The following SLC26A7 variants were observed in gnomAD, a reference collection of about 807,000 sequenced individuals.
SLC26A7 encodes solute carrier family 26 member 7, also known as anion exchange transporter.
In SLC26A7, 59 loss-of-function variants were observed where a neutral mutation model predicts 82.5. The observed-to-expected ratio is 0.72, with a 90% CI of 0.58 to 0.89. SLC26A7 has a LOEUF of 0.89. SLC26A7 is among the 40% of genes least tolerant of loss of function. The pLI is 0.00. For missense variants in SLC26A7, 820 were observed against 793.0 expected (o/e 1.03, Z -0.41); for synonymous variants, 271 against 274.3 (o/e 0.99, Z 0.12).
chr8:91,251,245 A>G (rs1810648569), intron 2 of SLC26A7, among the ~76,000 whole-genome samples: 1 of 152,138 alleles, frequency 6.6e-6, no homozygotes, highest in Non-Finnish European at 1.5e-5. Flanking sequence ...TATAAGTTTC[A>G]GTAGTTAATT....
intron 14 of SLC26A7, among the ~76,000 whole-genome samples, chr8:91,367,133 G>A (rs111332503): frequency 4.0e-5 from 6 of 151,828 alleles, no homozygotes; most frequent in African/African-American, 1.5e-4. Flanking sequence ...TCAGCCTCCT[G>A]AGTAGCTGGG....
At chr8:91,251,144 T>C (rs920189713) in intron 2 of SLC26A7, among the ~76,000 whole-genome samples, 9 of 152,262 alleles carry the variant, frequency 5.9e-5, no homozygotes, top group African/African-American at 2.2e-4. Flanking sequence ...AAATAATTTC[T>C]TTTTTTACCT....
chr8:91,353,102 C>A, intron 11 of SLC26A7, 106 bp downstream of exon 11: 1 of 675,856 alleles, frequency 1.5e-6, no homozygotes, highest in Non-Finnish European at 2.4e-6. Flanking sequence ...TCATTTGAGA[C>A]TTGTACACTT....
At chr8:91,335,103 T>A (rs1178753964) in intron 6 of SLC26A7, among the ~76,000 whole-genome samples, 3 of 152,096 alleles carry the variant, frequency 2.0e-5, no homozygotes, top group Non-Finnish European at 4.4e-5. Context: ...AATCTTAACA[T>A]ATAACCACAG....
chr8:91,348,074 C>G (rs1434035874), intron 9 of SLC26A7, among the ~76,000 whole-genome samples: 2 of 152,132 alleles, frequency 1.3e-5, no homozygotes, highest in Non-Finnish European at 2.9e-5. Flanking sequence ...ACAGGCAGCT[C>G]AGCCACAACT....
At chr8:91,347,663 G>A (rs1813601893) in intron 9 of SLC26A7, among the ~76,000 whole-genome samples, 1 of 152,118 alleles carries the variant, frequency 6.6e-6, no homozygotes, top group Admixed American at 6.6e-5. Flanking sequence ...AAGACTTTCA[G>A]TGCTTTAGAA....
intron 2 of SLC26A7, among the ~76,000 whole-genome samples, chr8:91,240,223 A>G (rs1250247318): frequency 6.6e-6 from 1 of 152,194 alleles, no homozygotes; most frequent in Admixed American, 6.5e-5. Context: ...TTTGACATGA[A>G]TAAAAAGTAA....
intron 4 of SLC26A7, among the ~76,000 whole-genome samples, chr8:91,315,543 T>C (rs1167473917): frequency 6.6e-6 from 1 of 151,718 alleles, no homozygotes; most frequent in Non-Finnish European, 1.5e-5. Context: ...CTTTGACAAA[T>C]ACAGTCGCTA....
intron 1 of SLC26A7, among the ~76,000 whole-genome samples, chr8:91,214,598 T>TC (rs1221289924): frequency 6.6e-6 from 1 of 152,182 alleles, no homozygotes; most frequent in Non-Finnish European, 1.5e-5. Flanking sequence ...GTAAGTCATC[T>TC]ACCTTACTAT....
chr8:91,381,041 A>G (rs561836911), intron 15 of SLC26A7, among the ~76,000 whole-genome samples: 8 of 152,334 alleles, frequency 5.3e-5, no homozygotes, highest in African/African-American at 1.9e-4. Flanking sequence ...GACAAATGAA[A>G]ACATATAGTA....
rs1424663374 is a variant in SLC26A7, at chr8:91,385,987, A to C, written c.1676-3351A>C. The stretch of plus-strand genomic sequence containing the variant: ...TGTAATTTTTTTTAAGTTCAGAATG[A>C]CAAATAAGTTTTTGATCAGCTAGTA... On this transcript the variant is annotated intron_variant, in intron 15 of 18. Transcript: ENST00000276609. Among the ~76,000 whole-genome samples, 16 of 152,260 alleles carry C rather than the reference A, an allele frequency of 1.1e-4. 1 individual carries two copies. The East Asian group carries it at 2.9e-3, about 28-fold the overall frequency.
intron 5 of SLC26A7, 35 bp downstream of exon 5, chr8:91,318,415 G>A: frequency 6.6e-7 from 1 of 1,524,116 alleles, no homozygotes; most frequent in Non-Finnish European, 8.9e-7. Context: ...CATATCTTTT[G>A]AATGTGCAGG....
chr8:91,362,039 A>C, intron 11 of SLC26A7, among the ~76,000 whole-genome samples: 1 of 152,142 alleles, frequency 6.6e-6, no homozygotes, highest in East Asian at 1.9e-4. Context: ...AAATCATGGC[A>C]TGCTTTTGAA....
intron 1 of SLC26A7, among the ~76,000 whole-genome samples, chr8:91,216,543 G>C (rs184089638): frequency 2.0e-3 from 300 of 152,190 alleles, no homozygotes; most frequent in Non-Finnish European, 3.7e-3. Context: ...AATGTATGTA[G>C]CATGTTTTAT....
intron 2 of SLC26A7, among the ~76,000 whole-genome samples, chr8:91,225,722 G>A (rs561881044): frequency 3.7e-3 from 454 of 122,314 alleles, no homozygotes; most frequent in Middle Eastern, 6.0e-3. Context: ...TGCTGTCTTG[G>A]TTGTGGGGAG....
At chr8:91,240,947 C>G (rs941032978) in intron 2 of SLC26A7, among the ~76,000 whole-genome samples, 3 of 151,802 alleles carry the variant, frequency 2.0e-5, no homozygotes, top group Non-Finnish European at 2.9e-5. Flanking sequence ...AAATGGTGAC[C>G]CAGAAGAGCC....
chr8:91,297,861 G>A (rs1299522240), intron 4 of SLC26A7, among the ~76,000 whole-genome samples: 1 of 152,072 alleles, frequency 6.6e-6, no homozygotes, highest in Admixed American at 6.6e-5. Context: ...GCTCTTGCTT[G>A]CATATTATTT....
intron 2 of SLC26A7, among the ~76,000 whole-genome samples, chr8:91,220,439 G>C (rs1810141562): frequency 6.6e-6 from 1 of 150,916 alleles, no homozygotes; most frequent in African/African-American, 2.4e-5. Context: ...TTGTTACATA[G>C]GTATACGGGT....
chr8:91,366,606 C>A lies in SLC26A7; in HGVS notation c.1515C>A (p.Ile505=). The change falls in exon 14 of 19, where the codon ATC becomes ATA. Residue 505 remains isoleucine, a synonymous_variant. Coordinates refer to ENST00000276609, the MANE Select transcript of SLC26A7 (RefSeq NM_052832.4). ...AAACCCTGCAGCAGGTGAAAATTAT[C>A]TCAATAAACAACCCGCTTGTTTTCC... ...DSETLQQVKI[I]SINNPLVFLN... 2 of 1,613,050 alleles carry A rather than the reference C, an allele frequency of 1.2e-6. No individual in the cohort carries two copies. Among genetic ancestry groups the A allele is most frequent in the Non-Finnish European group, 1.7e-6 (2 of 1,179,698 alleles).
Sources: allele counts gnomAD v4.1 joint callset (sites outside exome capture counted in the v4.1 genomes callset), GRCh38; gene constraint gnomAD v4.1.1; transcripts MANE v1.5; gene names NCBI Gene and HGNC (gene_info 2026-07-23, HGNC 2026-07-21).